The following TNK1 variants were observed in gnomAD, a reference collection of about 807,000 sequenced individuals.
TNK1 encodes tyrosine kinase non receptor 1, also known as non-receptor tyrosine-protein kinase TNK1.
In TNK1, 53 loss-of-function variants were observed where a neutral mutation model predicts 65.2. The observed-to-expected ratio is 0.81, with a 90% CI of 0.65 to 1.02. The LOEUF (loss-of-function observed/expected upper bound fraction) is 1.02, where lower values mean the gene tolerates loss of function less well. TNK1 is among the 50% of genes least tolerant of loss of function. The pLI is 0.00. For synonymous variants in TNK1, 353 were observed against 364.6 expected, an observed-to-expected ratio of 0.97 and a Z score of 0.36; for missense variants, 837 against 878.4, an observed-to-expected ratio of 0.95 and a Z score of 0.60.
In TNK1 at chr17:7,386,624, ACTGGTGACCCCATCACAGTCATCGAGGG is replaced by A; in HGVS notation, c.1203_1230del (p.Gly402AlafsTer25). 6.2e-7 allele frequency: 1 copy of A among 1,601,000 alleles called. No homozygotes were observed. Among genetic ancestry groups the A allele is most frequent in the South Asian group, 1.1e-5 (1 of 88,458 alleles). On this transcript the variant is annotated frameshift_variant, in exon 8 of 13. Coordinates refer to ENST00000688331, the MANE Select transcript of TNK1 (RefSeq NM_003985.6). LOFTEE classifies it high-confidence loss of function. ...AGAACCAGGCGCCCTGAGGATGGAG[ACTGGTGACCCCATCACAGTCATCGAGGG>A]CAGGTGACAGTCCCATACCTCCCAA... is the stretch of plus-strand genomic sequence containing the variant.
At chr17:7,386,844 G>A (rs958926941) in intron 8 of TNK1, 146 bp from the exon 9 acceptor site, 1 of 1,229,908 alleles carries the variant, frequency 8.1e-7, no homozygotes, top group African/African-American at 1.5e-5. Context: ...GGCCCATAGA[G>A]CCTTATTGCA....
In TNK1 at chr17:7,382,069, C is replaced by T. The variant is rs1904848623; in HGVS notation, c.-91-767C>T. ...GATCACGAGGTCAGGAGTTCAAGAC[C>T]AGCCTGGCCAATATGGTGAAACCCC... On this transcript the variant is annotated intron_variant, in intron 1 of 12. Coordinates refer to ENST00000688331, the MANE Select transcript of TNK1 (RefSeq NM_003985.6). The surrounding 1 kb of genome is among the most constrained non-coding windows in gnomAD (Gnocchi z 4.1). 6.6e-6 allele frequency among the ~76,000 whole-genome samples: 1 copy of T among 152,176 alleles called. No individual in the cohort carries two copies.
In TNK1 at chr17:7,382,599, G is replaced by C. The variant is rs886091130; in HGVS notation, c.-91-237G>C. On this transcript the variant is annotated intron_variant, in intron 1 of 12. Coordinates refer to ENST00000688331, the MANE Select transcript of TNK1 (RefSeq NM_003985.6). The surrounding 1 kb of genome is among the most constrained non-coding windows in gnomAD (Gnocchi z 4.1). Reference sequence around the variant, plus strand: ...TTCTGGGTGTCCGGGTGTGTGATGTGCCGTGATATTTCAGAGTCAGGATGG... The same window carrying C: ...TTCTGGGTGTCCGGGTGTGTGATGTCCCGTGATATTTCAGAGTCAGGATGG... 1.3e-5 allele frequency among the ~76,000 whole-genome samples: 2 copies of C among 152,190 alleles called. No individual in the cohort carries two copies. The highest frequency in any genetic ancestry group is 2.9e-5 in the Non-Finnish European group (2 of 68,046).
Position 7,382,061 on chromosome 17 carries a change from T to A in TNK1, c.-91-775T>A. ...GGCGGGCGGATCACGAGGTCAGGAG[T>A]TCAAGACCAGCCTGGCCAATATGGT... On this transcript the variant is annotated intron_variant, in intron 1 of 12. Transcript: ENST00000688331. This position sits in a 1 kb window ranked among gnomAD's most constrained non-coding sequence, Gnocchi z 4.1. 6.7e-6 allele frequency among the ~76,000 whole-genome samples: 1 copy of A among 150,006 alleles called. No homozygotes were observed. Among genetic ancestry groups the A allele is most frequent in the Non-Finnish European group, 1.5e-5 (1 of 67,440 alleles).
chr17:7,385,712 C>A (rs184902372), intron 7 of TNK1, among the ~76,000 whole-genome samples: 56 of 151,916 alleles, frequency 3.7e-4, no homozygotes, highest in African/African-American at 1.0e-3. Flanking sequence ...TTACAGGCGC[C>A]TGCCACCACG....
chr17:7,386,772 C>T (rs942531339), intron 8 of TNK1, 117 bp downstream of exon 8: 3 of 1,108,008 alleles, frequency 2.7e-6, no homozygotes, highest in Non-Finnish European at 3.9e-6. Flanking sequence ...GTCTCATCTC[C>T]TCTCCCCACT....
Position 7,386,608 on chromosome 17 carries a change from C to A in TNK1, c.1185C>A (p.Gly395=). The A allele has an allele frequency of 1.2e-6, 2 of 1,604,078 alleles. No individual in the cohort carries two copies. The highest frequency in any genetic ancestry group is 2.2e-5 in the East Asian group (1 of 44,510). Residue 395 remains glycine (G), a synonymous_variant, in exon 8 of 13, where the codon GGC becomes GGA. Coordinates refer to ENST00000688331, the MANE Select transcript of TNK1 (RefSeq NM_003985.6). ...ACCVRDVTEP[G]ALRMETGDPI... is the part of the protein sequence containing the mutation. ...GTGTGAGGGATGTCACAGAACCAGG[C>A]GCCCTGAGGATGGAGACTGGTGACC...
At chr17:7,385,503 T>TA (rs1261863577) in intron 7 of TNK1, among the ~76,000 whole-genome samples, 1 of 152,160 alleles carries the variant, frequency 6.6e-6, no homozygotes, top group Non-Finnish European at 1.5e-5. Flanking sequence ...CTGTGCACTT[T>TA]ACATGGGCGC....
Position 7,388,298 on chromosome 17 carries a change from A to G in TNK1, c.1478-108A>G. 8.7e-7 allele frequency: 1 copy of G among 1,143,908 alleles called. No individual in the cohort carries two copies. Among genetic ancestry groups the G allele is most frequent in the Non-Finnish European group, 1.2e-6 (1 of 812,226 alleles). 70.9% of individuals were successfully genotyped at this position (1,143,908 alleles called of 1,614,324 possible). ...AAATTAGCCAGTCGTAATGGCAGGCACCTATAGTCCCAGCTACTCGGGAGG... is the reference window on the plus strand; with the variant it reads ...AAATTAGCCAGTCGTAATGGCAGGCGCCTATAGTCCCAGCTACTCGGGAGG... On this transcript the variant is annotated intron_variant, in intron 10 of 12. Coordinates refer to ENST00000688331, the MANE Select transcript of TNK1 (RefSeq NM_003985.6). This position sits in a 1 kb window ranked among gnomAD's most constrained non-coding sequence, Gnocchi z 4.5.
chr17:7,381,053 C>G (rs113356424), upstream of TNK1: 2 of 152,324 alleles, frequency 1.3e-5, no homozygotes, highest in African/African-American at 4.8e-5. Context: ...CCTGTCCCGC[C>G]TCCTCGGATT....
At position 7,382,232 on chromosome 17, in the gene TNK1, T is replaced by C. The variant is rs577673661; in HGVS notation, c.-91-604T>C. The stretch of plus-strand genomic sequence containing the variant: ...AGCGAGCTGAGATCACGCCACTGCA[T>C]TCCAGCCTAGATGACAGAGCGAGAC... On this transcript the variant is annotated intron_variant, in intron 1 of 12. Coordinates refer to ENST00000688331, the MANE Select transcript of TNK1 (RefSeq NM_003985.6). The surrounding 1 kb of genome is among the most constrained non-coding windows in gnomAD (Gnocchi z 4.1). Among the ~76,000 whole-genome samples, 3 of 150,798 alleles carry C rather than the reference T, an allele frequency of 2.0e-5. No individual in the cohort carries two copies. Among genetic ancestry groups the C allele is most frequent in the East Asian group, 2.0e-4 (1 of 5,100 alleles).
intron 5 of TNK1, 26 bp from the exon 6 acceptor site, chr17:7,383,944 A>T: frequency 6.6e-7 from 1 of 1,526,358 alleles, no homozygotes; most frequent in East Asian, 2.4e-5. Flanking sequence ...GGTCCGGCTC[A>T]CGCGGCGCGG....
chr17:7,382,961 A>T lies in TNK1; in HGVS notation c.35A>T (p.Lys12Met). 2.5e-6 allele frequency: 4 copies of T among 1,613,990 alleles called. No individual in the cohort carries two copies. The highest frequency in any genetic ancestry group is 3.4e-6 in the Non-Finnish European group (4 of 1,179,880). Residue 12 changes from lysine to methionine, a missense_variant, in exon 2 of 13, where the codon AAG becomes ATG. Coordinates refer to ENST00000688331, the MANE Select transcript of TNK1 (RefSeq NM_003985.6). This position sits in a 1 kb window ranked among gnomAD's most constrained non-coding sequence, Gnocchi z 4.1. ...GAGGCTGGCTCCCTGTGGCTACTGA[A>T]GCTGCTCCGGGACATCCAGTTGGCC... ...LPEAGSLWLL[K>M]LLRDIQLAQF...
At chr17:7,380,296 C>G (rs1278645738), upstream of TNK1, among the ~76,000 whole-genome samples, 2 of 152,174 alleles carry the variant, frequency 1.3e-5, no homozygotes, top group African/African-American at 2.4e-5. Context: ...ACTAGATGTC[C>G]TAAGACTGGC....
chr17:7,384,190 G>A lies in TNK1; in HGVS notation c.803G>A (p.Arg268Gln), dbSNP rs1256260842. Residue 268 changes from arginine to glutamine, a missense_variant, in exon 6 of 13, where the codon CGG becomes CAG. Transcript: ENST00000688331. Reference protein sequence around the residue: ...TIKVADFGLVRPLGGARGRYV... With the variant: ...TIKVADFGLVQPLGGARGRYV... ...AAGGTGGCTGACTTCGGGCTGGTGC[G>A]GCCTCTGGGCGGTGCCCGGGGCCGC... The A allele has an allele frequency of 1.3e-6, 2 of 1,529,774 alleles. No individual in the cohort carries two copies. Among genetic ancestry groups the A allele is most frequent in the Non-Finnish European group, 1.7e-6 (2 of 1,145,256 alleles). 94.8% of individuals were successfully genotyped at this position (1,529,774 alleles called of 1,614,324 possible). A position where few individuals can be genotyped will look rare whatever the true frequency, so the allele number is the denominator to read the frequency against.
intron 10 of TNK1, among the ~76,000 whole-genome samples, chr17:7,387,687 C>T (rs1261630297): frequency 1.3e-5 from 2 of 151,614 alleles, no homozygotes; most frequent in Admixed American, 6.6e-5. Flanking sequence ...TCACCGCAAC[C>T]TCCACCTCCC....
chr17:7,388,858 T>A lies in TNK1; in HGVS notation c.1847T>A (p.Val616Glu). Residue 616 changes from valine to glutamate, a missense_variant, in exon 12 of 13, where the codon GTG becomes GAG. Val to Glu is a moderately radical substitution (Grantham distance 121). Transcript: ENST00000688331. The surrounding 1 kb of genome is among the most constrained non-coding windows in gnomAD (Gnocchi z 4.5). ...QTALGATGGD[V>E]VSAIRNLKVD... ...GCACTAGGAGCCACTGGGGGAGATG[T>A]GGTTTCTGCCATCCGGAACCTCAAG... 6.2e-7 allele frequency: 1 copy of A among 1,603,302 alleles called. No individual in the cohort carries two copies. Among genetic ancestry groups the A allele is most frequent in the Non-Finnish European group, 8.5e-7 (1 of 1,174,994 alleles).
chr17:7,386,989 GC>G lies in TNK1; in HGVS notation c.1236del (p.Asp413ThrfsTer23), dbSNP rs1484068584. Reference sequence around the variant, plus strand: ...CTATTTACCAGCTCCTCTTTCCACAGCCCCGACTCCACAATCTGGAAGGGCC... The same window carrying G: ...CTATTTACCAGCTCCTCTTTCCACAGCCCGACTCCACAATCTGGAAGGGCC... Reference protein sequence around the residue: ...TGDPITVIEGSPDSTIWKGQN... With the variant: ...TGDPITVIEGXPDSTIWKGQN... On this transcript the variant is annotated frameshift_variant and splice_region_variant, in exon 9 of 13. Transcript: ENST00000688331. LOFTEE classifies it high-confidence loss of function. The G allele has an allele frequency of 6.4e-7, 1 of 1,554,950 alleles. No homozygotes were observed. Among genetic ancestry groups the G allele is most frequent in the Non-Finnish European group, 8.7e-7 (1 of 1,148,692 alleles).
chr17:7,384,477 T>A lies in TNK1; in HGVS notation c.867-7T>A. 6.5e-7 allele frequency: 1 copy of A among 1,529,226 alleles called. No homozygotes were observed. Among genetic ancestry groups the A allele is most frequent in the Non-Finnish European group, 8.8e-7 (1 of 1,133,458 alleles). The allele number at this position is 1,529,226 out of a possible 1,614,324, so 94.7% of individuals were successfully genotyped here. A position where few individuals can be genotyped will look rare whatever the true frequency, so the allele number is the denominator to read the frequency against. ...CCCGCCCCTTTCAGCTCCACTTCCT[T>A]CGGCAGGTGTGCCCCAGAGAGCCTG... On this transcript the variant is annotated splice_region_variant and splice_polypyrimidine_tract_variant and intron_variant, in intron 6 of 12. Transcript: ENST00000688331.
Sources: allele counts gnomAD v4.1 joint callset (sites outside exome capture counted in the v4.1 genomes callset), GRCh38; gene constraint gnomAD v4.1.1; non-coding constraint Gnocchi (gnomAD v3.1); transcripts MANE v1.5; gene names NCBI Gene and HGNC (gene_info 2026-07-23, HGNC 2026-07-21).